Variants in NXN observed in about 807,000 individuals in gnomAD.
The protein encoded by NXN is nucleoredoxin.
NXN carries 16 observed loss-of-function variants against 48.6 expected under a neutral mutation model. The observed-to-expected ratio is 0.33, with a 90% CI of 0.22 to 0.50. The LOEUF (loss-of-function observed/expected upper bound fraction) is 0.50. Among genes scored for constraint, NXN ranks in the 20% least tolerant of loss-of-function variants. The pLI is 0.98. For synonymous variants in NXN, 281 were observed against 269.6 expected, an observed-to-expected ratio of 1.04 and a Z score of -0.41; for missense variants, 492 against 605.5, an observed-to-expected ratio of 0.81 and a Z score of 1.97.
At chr17:967,813 T>C (rs1055539752) in intron 1 of NXN, among the ~76,000 whole-genome samples, 9 of 151,956 alleles carry the variant, frequency 5.9e-5, no homozygotes, top group Non-Finnish European at 1.3e-4. Context: ...CTACTAAAAA[T>C]ACCAAAAAAT....
intron 4 of NXN, among the ~76,000 whole-genome samples, chr17:820,231 A>G (rs994410316): frequency 6.6e-6 from 1 of 152,196 alleles, no homozygotes; most frequent in Non-Finnish European, 1.5e-5. Flanking sequence ...TGGTACGTAC[A>G]TTGGTCAGCT....
chr17:910,992 A>T (rs1057113472), intron 1 of NXN: 5 of 152,012 alleles, frequency 3.3e-5, no homozygotes, highest in Admixed American at 6.6e-5. Flanking sequence ...TATCTTTTTT[A>T]GCTTTTTTTT....
At chr17:840,748 T>C (rs34637252) in intron 1 of NXN, among the ~76,000 whole-genome samples, 7,484 of 152,274 alleles carry the variant, frequency 0.049, 305 homozygotes, top group East Asian at 0.24. Context: ...CGATCGGCTG[T>C]GTCCTCCTTT....
intron 1 of NXN, among the ~76,000 whole-genome samples, chr17:885,837 C>T (rs923524362): frequency 1.4e-5 from 2 of 140,220 alleles, no homozygotes; most frequent in South Asian, 4.6e-4. Context: ...CCCGCCACCA[C>T]GCCCGGCTAA....
At chr17:885,859 T>G (rs1291363073) in intron 1 of NXN, among the ~76,000 whole-genome samples, 6 of 147,604 alleles carry the variant, frequency 4.1e-5, no homozygotes, top group Middle Eastern at 3.2e-3. Flanking sequence ...TTTTTTTTTT[T>G]GTATTTTTTT....
intron 1 of NXN, among the ~76,000 whole-genome samples, chr17:954,274 A>G (rs55788057): frequency 0.038 from 5,749 of 152,206 alleles, 142 homozygotes; most frequent in Admixed American, 0.056. Flanking sequence ...CCAGCTACTC[A>G]AGAGGCTGAA....
At chr17:942,672 C>T (rs1237579985) in intron 1 of NXN, among the ~76,000 whole-genome samples, 9 of 108,248 alleles carry the variant, frequency 8.3e-5, no homozygotes, top group Middle Eastern at 4.5e-3. Flanking sequence ...GGATTTACAG[C>T]GAACAAGATT....
At chr17:801,430 G>C (rs1037259365) in intron 7 of NXN, among the ~76,000 whole-genome samples, 2 of 147,220 alleles carry the variant, frequency 1.4e-5, no homozygotes, top group African/African-American at 5.0e-5. Context: ...CAGCATTTTA[G>C]AAATGTCACA....
rs1597604314 is a variant in NXN at position 800,588 on chromosome 17, CAG to C, written c.*359_*360del. The C allele has an allele frequency of 1.8e-5, 3 of 167,328 alleles. No homozygotes were observed. Among genetic ancestry groups the C allele is most frequent in the Non-Finnish European group, 3.8e-5 (3 of 78,282 alleles). 10.4% of individuals were successfully genotyped at this position (167,328 alleles called of 1,614,324 possible). A position where few individuals can be genotyped will look rare whatever the true frequency, so the allele number is the denominator to read the frequency against. On this transcript the variant is annotated 3_prime_UTR_variant, in exon 8 of 8. Transcript: ENST00000336868. ...CGTCCGGGGCCGTGTGTGCCGACGTCAGAGTCAGAGCCCGAGCGGGACCCACC... is the reference window on the plus strand; with the variant it reads ...CGTCCGGGGCCGTGTGTGCCGACGTCAGTCAGAGCCCGAGCGGGACCCACC...
At position 855,875 on chromosome 17, in the gene NXN, G is replaced by A. The variant is rs377688473; in HGVS notation, c.361-29797C>T. On this transcript the variant is annotated intron_variant, in intron 1 of 7. Transcript: ENST00000336868. ...TCATGGGACAGGCAACTCCACAGCC[G>A]GCCCCTGGGGGAGATGAAGATAAGA... 1.1e-4 allele frequency among the ~76,000 whole-genome samples: 17 copies of A among 152,194 alleles called. No individual in the cohort carries two copies. In the East Asian group the frequency reaches 2.1e-3, roughly 19 times the overall value.
chr17:879,361 C>T (rs141758004), intron 1 of NXN, among the ~76,000 whole-genome samples: 2,438 of 150,242 alleles, frequency 0.016, 36 homozygotes, highest in Non-Finnish European at 0.025. Flanking sequence ...ACGATCTCAG[C>T]TCACTATAGC....
chr17:820,698 T>C lies in NXN; in HGVS notation c.714-1153A>G, dbSNP rs1329613824. Among the ~76,000 whole-genome samples the C allele has an allele frequency of 2.4e-4, 15 of 61,634 alleles. 6 individuals are homozygous for C. Among genetic ancestry groups the C allele is most frequent in the African/African-American group, 1.6e-3 (15 of 9,336 alleles). The allele number at this position is 61,634 out of a possible 152,430, so 40.4% of individuals were successfully genotyped here. ...CATCACTTTGAGAGGCCAAGGTGGG[T>C]GGATTACTTAAGCCCTAGAGTTCCA... On this transcript the variant is annotated intron_variant, in intron 4 of 7. Transcript: ENST00000336868.
In NXN at chr17:895,408, T is replaced by A. The variant is rs187525435; in HGVS notation, c.361-69330A>T. Among the ~76,000 whole-genome samples the A allele has an allele frequency of 3.0e-4, 45 of 151,984 alleles. No individual in the cohort carries two copies. The East Asian group carries it at 5.6e-3, about 19-fold the overall frequency. ...CAAAAAAATGAGAGAAAATGAGAGA[T>A]GATCAAACATAAACCACCATGGGGA... On this transcript the variant is annotated intron_variant, in intron 1 of 7. Transcript: ENST00000336868.
At chr17:922,948 G>A (rs544279700) in intron 1 of NXN, among the ~76,000 whole-genome samples, 6 of 149,834 alleles carry the variant, frequency 4.0e-5, no homozygotes, top group African/African-American at 7.4e-5. Flanking sequence ...CACCACGCCC[G>A]GCCCACTCTG....
At chr17:963,557 GCAC>G (rs1268002057) in intron 1 of NXN, among the ~76,000 whole-genome samples, 1 of 152,014 alleles carries the variant, frequency 6.6e-6, no homozygotes, top group Non-Finnish European at 1.5e-5. Context: ...AGCCAAGATC[GCAC>G]CACTGCACTC....
At position 822,341 on chromosome 17, in the gene NXN, T is replaced by G. The variant is rs374147636; in HGVS notation, c.713+16A>C. The G allele has an allele frequency of 1.8e-5, 29 of 1,592,572 alleles. No individual in the cohort carries two copies. Among genetic ancestry groups the G allele is most frequent in the East Asian group, 9.0e-5 (4 of 44,566 alleles). On this transcript the variant is annotated intron_variant, in intron 4 of 7. Transcript: ENST00000336868. Reference sequence around the variant, plus strand: ...ACCTACAGAAAAGGGGCCCAGCACTTCACGGCACGACTGACCTGTCTGCAC... The same window carrying G: ...ACCTACAGAAAAGGGGCCCAGCACTGCACGGCACGACTGACCTGTCTGCAC...
intron 1 of NXN, among the ~76,000 whole-genome samples, chr17:889,563 G>A (rs1211554026): frequency 2.6e-5 from 4 of 152,138 alleles, no homozygotes; most frequent in Admixed American, 6.6e-5. Flanking sequence ...TGGTGGTGGC[G>A]TGTGCCTGTA....
chr17:876,161 G>A (rs539628590), intron 1 of NXN, among the ~76,000 whole-genome samples: 27 of 148,072 alleles, frequency 1.8e-4, no homozygotes, highest in African/African-American at 5.8e-4. Context: ...CAGCCTGGGC[G>A]ACACAGTAAG....
At chr17:802,816 C>CTCCT (rs977427051) in intron 7 of NXN, among the ~76,000 whole-genome samples, 1 of 152,202 alleles carries the variant, frequency 6.6e-6, no homozygotes, top group African/African-American at 2.4e-5. Flanking sequence ...TGCCGCCTGC[C>CTCCT]TCCTCCGTGC....
Sources: gnomAD v4.1 joint callset for allele counts (sites outside exome capture counted in the v4.1 genomes callset) on GRCh38, gnomAD v4.1.1 for gene constraint, MANE v1.5 for transcripts, NCBI Gene and HGNC (gene_info 2026-07-23, HGNC 2026-07-21) for gene names.